ADK: variants seen among roughly 807,000 people sequenced by gnomAD.
ADK encodes N6,N6-dimethyladenosine kinase.
ADK carries 24 observed loss-of-function variants against 44.7 expected under a neutral mutation model. The ratio of observed to expected loss-of-function variants is 0.54; its 90% CI spans 0.39 to 0.76. The LOEUF (loss-of-function observed/expected upper bound fraction) is 0.76, where lower values mean the gene tolerates loss of function less well. Ranked by LOEUF, ADK falls within the 30% of genes least tolerant of loss-of-function variation. ADK has a pLI of 0.00. For synonymous variants in ADK, 128 were observed against 142.6 expected (o/e 0.90, Z 0.73); for missense variants, 321 against 425.1 (o/e 0.76, Z 2.15).
intron 4 of ADK, among the ~76,000 whole-genome samples, chr10:74,386,811 A>G (rs1843158361): frequency 1.3e-5 from 2 of 152,034 alleles, no homozygotes; most frequent in African/African-American, 4.8e-5. Context: ...TTGTTTCCCA[A>G]TCTGTGCACT....
intron 6 of ADK, among the ~76,000 whole-genome samples, chr10:74,440,496 C>T (rs201560085): frequency 6.6e-6 from 1 of 152,006 alleles, no homozygotes; most frequent in Admixed American, 6.5e-5. Flanking sequence ...GCTTATTTTA[C>T]AATTAATAAA....
chr10:74,209,028 C>T (rs11000921), intron 2 of ADK, among the ~76,000 whole-genome samples: 80,468 of 152,060 alleles, frequency 0.53, 22,395 homozygotes, highest in Non-Finnish European at 0.62. Context: ...TGAGCCACCG[C>T]ACCCAGCATA....
At chr10:74,267,987 G>A (rs1333594765) in intron 3 of ADK, among the ~76,000 whole-genome samples, 1 of 152,020 alleles carries the variant, frequency 6.6e-6, no homozygotes, top group Admixed American at 6.6e-5. Flanking sequence ...ATAAAGAATG[G>A]TTGTAAAATT....
chr10:74,547,388 T>C (rs936713872), intron 7 of ADK, among the ~76,000 whole-genome samples: 2 of 150,460 alleles, frequency 1.3e-5, no homozygotes, highest in African/African-American at 4.8e-5. Context: ...TGTATGTAAA[T>C]TCTTAACCAA....
At chr10:74,508,219 C>A (rs1326453657) in intron 6 of ADK, among the ~76,000 whole-genome samples, 1 of 151,962 alleles carries the variant, frequency 6.6e-6, no homozygotes, top group Non-Finnish European at 1.5e-5. Context: ...ATGATTAAAT[C>A]AAGGAGAGAA....
intron 4 of ADK, among the ~76,000 whole-genome samples, chr10:74,367,615 T>C (rs1228457194): frequency 3.9e-5 from 6 of 152,248 alleles, no homozygotes; most frequent in Non-Finnish European, 7.3e-5. Flanking sequence ...TGCAGTCATT[T>C]GTAAACATAT....
chr10:74,205,732 T>C (rs1016267356), intron 2 of ADK, among the ~76,000 whole-genome samples: 3 of 144,092 alleles, frequency 2.1e-5, no homozygotes, highest in African/African-American at 7.7e-5. Flanking sequence ...AGTAAGAAAC[T>C]AACATAACAG....
At chr10:74,269,545 G>A (rs1344865722) in intron 3 of ADK, among the ~76,000 whole-genome samples, 1 of 152,104 alleles carries the variant, frequency 6.6e-6, no homozygotes, top group Non-Finnish European at 1.5e-5. Context: ...TTTATGGTTG[G>A]TTATTGTGTT....
intron 6 of ADK, among the ~76,000 whole-genome samples, chr10:74,432,787 G>T (rs1845047112): frequency 6.6e-6 from 1 of 152,128 alleles, no homozygotes; most frequent in African/African-American, 2.4e-5. Flanking sequence ...CCCTGGAGCT[G>T]GTGGTGTGTC....
chr10:74,708,501 G>T lies in ADK; in HGVS notation c.*56G>T. On this transcript the variant is annotated 3_prime_UTR_variant, in exon 11 of 11. Transcript: ENST00000539909. ...GCAGACACTGCCCTAATTGCTTCCT[G>T]AGAATTCCCATATTAATAAAGAAGA... 6.3e-7 allele frequency: 1 copy of T among 1,590,256 alleles called. No homozygotes were observed.
At chr10:74,624,105 G>C (rs529241578) in intron 9 of ADK, among the ~76,000 whole-genome samples, 1 of 152,076 alleles carries the variant, frequency 6.6e-6, no homozygotes, top group African/African-American at 2.4e-5. Context: ...CTGGTTACAC[G>C]TGAAATATTA....
At chr10:74,610,292 T>C (rs892319091) in intron 9 of ADK, among the ~76,000 whole-genome samples, 5 of 152,178 alleles carry the variant, frequency 3.3e-5, no homozygotes, top group African/African-American at 1.2e-4. Context: ...TTGAAGACAT[T>C]ATGCTAAGTG....
Position 74,597,482 on chromosome 10 carries a change from A to G in ADK, c.763-2897A>G, listed in dbSNP as rs111993197. Among the ~76,000 whole-genome samples the G allele has an allele frequency of 2.6e-3, 402 of 152,198 alleles. 3 individuals carry two copies. The highest frequency in any genetic ancestry group is 9.2e-3 in the African/African-American group (382 of 41,526). On this transcript the variant is annotated intron_variant, in intron 8 of 10. Coordinates refer to ENST00000539909, the MANE Select transcript of ADK (RefSeq NM_006721.4). ...GTTCCAGAATCGAATCCCACATTGC[A>G]TATTTGTCATGTCTCCTTAGTCTCT...
intron 4 of ADK, among the ~76,000 whole-genome samples, chr10:74,363,735 C>G (rs1443662661): frequency 1.3e-5 from 2 of 152,170 alleles, no homozygotes; most frequent in African/African-American, 4.8e-5. Context: ...TTTGCCCGGA[C>G]AGATACCCCT....
intron 7 of ADK, among the ~76,000 whole-genome samples, chr10:74,574,671 C>A (rs974173626): frequency 3.9e-5 from 6 of 152,132 alleles, no homozygotes; most frequent in Non-Finnish European, 7.3e-5. Context: ...TGAAACAATA[C>A]CATAATCCTT....
chr10:74,235,202 T>TA (rs1844915155), intron 3 of ADK, among the ~76,000 whole-genome samples: 1 of 152,010 alleles, frequency 6.6e-6, no homozygotes. Context: ...TTTTTTTTTT[T>TA]ATCTTGTAGA....
At chr10:74,308,753 A>G (rs1189446223) in intron 3 of ADK, among the ~76,000 whole-genome samples, 1 of 152,158 alleles carries the variant, frequency 6.6e-6, no homozygotes, top group Non-Finnish European at 1.5e-5. Context: ...AAATGTTCAA[A>G]AATTGTTAAT....
intron 6 of ADK, among the ~76,000 whole-genome samples, chr10:74,425,409 T>C (rs1224120116): frequency 6.6e-6 from 1 of 152,212 alleles, no homozygotes; most frequent in Non-Finnish European, 1.5e-5. Flanking sequence ...CAACTTTATG[T>C]GGAGAGTCTA....
At chr10:74,302,128 T>TTTTG (rs1840075617) in intron 3 of ADK, among the ~76,000 whole-genome samples, 1 of 89,386 alleles carries the variant, frequency 1.1e-5, no homozygotes, top group African/African-American at 4.2e-5. Context: ...TTTTTTTTTT[T>TTTTG]TTTTTTTTTT....
Sources: gnomAD v4.1 joint callset for allele counts (sites outside exome capture counted in the v4.1 genomes callset) on GRCh38, gnomAD v4.1.1 for gene constraint, MANE v1.5 for transcripts, NCBI Gene and HGNC (gene_info 2026-07-23, HGNC 2026-07-21) for gene names.